Variants in DLG2 observed in about 807,000 individuals in gnomAD.
DLG2 encodes the protein disks large homolog 2.
DLG2 carries 45 observed loss-of-function variants against 132.5 expected under a neutral mutation model. That is an observed-to-expected ratio of 0.34 (90% confidence interval 0.27 to 0.44). The LOEUF (loss-of-function observed/expected upper bound fraction) is 0.44, where lower values mean the gene tolerates loss of function less well. Ranked by LOEUF, DLG2 falls within the 20% of genes least tolerant of loss-of-function variation. The probability of loss-of-function intolerance (pLI) is 1.00; values close to 1 mark genes in which losing one functional copy is unlikely to be tolerated. For missense variants in DLG2, 1,045 were observed against 1,196.9 expected, an observed-to-expected ratio of 0.87 and a Z score of 1.87; for synonymous variants, 424 against 419.6, an observed-to-expected ratio of 1.01 and a Z score of -0.13.
intron 6 of DLG2, among the ~76,000 whole-genome samples, chr11:84,549,854 C>T (rs1279874286): frequency 6.6e-6 from 1 of 152,078 alleles, no homozygotes; most frequent in African/African-American, 2.4e-5. Context: ...CCTGGGCTCA[C>T]GAGATTCTCC....
rs112091198 is a variant in DLG2 at position 83,914,424 on chromosome 11, C to G, written c.1496+15904G>C. On this transcript the variant is annotated intron_variant, in intron 15 of 27. Transcript: ENST00000376104. ...AGCTACAGGTGTTCCTTTATAGCAA[C>G]GCAAATGGACCAAGACACAGAGATC... Among the ~76,000 whole-genome samples the G allele has an allele frequency of 2.1e-3, 319 of 152,194 alleles. 2 individuals carry two copies. The highest frequency in any genetic ancestry group is 7.5e-3 in the South Asian group (36 of 4,820).
intron 3 of DLG2, among the ~76,000 whole-genome samples, chr11:85,364,423 T>C (rs1471044143): frequency 1.3e-5 from 2 of 152,190 alleles, no homozygotes; most frequent in East Asian, 1.9e-4. Context: ...GGGATTAGTA[T>C]ATAATAAATA....
In DLG2 at chr11:84,314,272, T is replaced by G. The variant is rs73521726; in HGVS notation, c.520-62981A>C. Among the ~76,000 whole-genome samples, 466 of 152,326 alleles carry G rather than the reference T, an allele frequency of 3.1e-3. 7 individuals carry two copies. The highest frequency in any genetic ancestry group is 0.01 in the African/African-American group (435 of 41,572). On this transcript the variant is annotated intron_variant, in intron 7 of 27. Transcript: ENST00000376104. ...ATTCTTCTTTACGCTTTATCAAGGATTCTAATGTTTAGTATCATTAGCCTC... is the reference window on the plus strand; with the variant it reads ...ATTCTTCTTTACGCTTTATCAAGGAGTCTAATGTTTAGTATCATTAGCCTC...
At chr11:85,564,493 AG>A (rs1327119033) in intron 3 of DLG2, among the ~76,000 whole-genome samples, 1 of 151,944 alleles carries the variant, frequency 6.6e-6, no homozygotes, top group East Asian at 1.9e-4. Flanking sequence ...TCAATGTTCT[AG>A]CATCACTTGT....
intron 18 of DLG2, among the ~76,000 whole-genome samples, chr11:83,750,967 C>T (rs1371105083): frequency 6.6e-6 from 1 of 152,112 alleles, no homozygotes; most frequent in Non-Finnish European, 1.5e-5. Context: ...GTGAGCAAAA[C>T]AAGATAAACT....
At position 84,273,220 on chromosome 11, in the gene DLG2, A is replaced by G. The variant is rs527730383; in HGVS notation, c.520-21929T>C. On this transcript the variant is annotated intron_variant, in intron 7 of 27. Coordinates refer to ENST00000376104, the MANE Select transcript of DLG2 (RefSeq NM_001142699.3). Reference sequence around the variant, plus strand: ...AAGCAATAGTATCCCACAAAAGCTGATAATTCTCAGCCCGAGAAACACTTG... The same window carrying G: ...AAGCAATAGTATCCCACAAAAGCTGGTAATTCTCAGCCCGAGAAACACTTG... 5.8e-6 allele frequency: 9 copies of G among 1,563,230 alleles called. No individual in the cohort carries two copies. The Admixed American group carries it at 1.3e-4, about 23-fold the overall frequency.
chr11:84,116,801 T>C (rs780219780), intron 9 of DLG2, among the ~76,000 whole-genome samples: 2 of 152,218 alleles, frequency 1.3e-5, no homozygotes, highest in Non-Finnish European at 2.9e-5. Flanking sequence ...AATGTCAGTA[T>C]ATTTTAAGTG....
At chr11:84,517,741 AT>A (rs1357342867) in intron 7 of DLG2, among the ~76,000 whole-genome samples, 1 of 152,080 alleles carries the variant, frequency 6.6e-6, no homozygotes. Context: ...AAAATATGGA[AT>A]CAACCTAAAT....
rs904315882 is a variant in DLG2, at chr11:83,797,258, G to A, written c.1723-10466C>T. Among the ~76,000 whole-genome samples, 5 of 152,220 alleles carry A rather than the reference G, an allele frequency of 3.3e-5. No individual in the cohort carries two copies. The South Asian group carries it at 1.0e-3, about 32-fold the overall frequency. ...AGAAGAAGAAGAAGATGATGATGAT[G>A]GTGATGATGGTAGCTGACATGTACA... On this transcript the variant is annotated intron_variant, in intron 17 of 27. Coordinates refer to ENST00000376104, the MANE Select transcript of DLG2 (RefSeq NM_001142699.3).
At chr11:83,610,000 T>C (rs1228154773) in intron 19 of DLG2, among the ~76,000 whole-genome samples, 1 of 152,318 alleles carries the variant, frequency 6.6e-6, no homozygotes, top group Non-Finnish European at 1.5e-5. Flanking sequence ...TTTCATACTA[T>C]GAAATTTTGA....
chr11:84,144,211 T>A (rs887055612), intron 9 of DLG2, among the ~76,000 whole-genome samples: 1 of 152,122 alleles, frequency 6.6e-6, no homozygotes, highest in African/African-American at 2.4e-5. Flanking sequence ...GTAATAAAAA[T>A]TCAGAAGGAA....
intron 3 of DLG2, among the ~76,000 whole-genome samples, chr11:85,361,112 C>G (rs2084114211): frequency 6.6e-6 from 1 of 152,036 alleles, no homozygotes; most frequent in Admixed American, 6.6e-5. Flanking sequence ...TTGTTAAAGG[C>G]ACAGTCATGC....
intron 6 of DLG2, among the ~76,000 whole-genome samples, chr11:84,941,386 G>A (rs892928490): frequency 5.3e-5 from 8 of 152,140 alleles, no homozygotes; most frequent in Non-Finnish European, 1.0e-4. Flanking sequence ...ATCTTTAGAT[G>A]TTTTTGTGTC....
rs111404730 is a variant in DLG2, at chr11:83,806,024, T to A, written c.1723-19232A>T. Among the ~76,000 whole-genome samples the A allele has an allele frequency of 4.9e-4, 74 of 152,246 alleles. 1 individual carries two copies. Among genetic ancestry groups the A allele is most frequent in the African/African-American group, 1.7e-3 (72 of 41,566 alleles). ...GCTGCTGCTAGAAGCTTCATGTCCATCCCTAGCCTAATGTTATTCCCTTGG... is the reference window on the plus strand; with the variant it reads ...GCTGCTGCTAGAAGCTTCATGTCCAACCCTAGCCTAATGTTATTCCCTTGG... On this transcript the variant is annotated intron_variant, in intron 17 of 27. Transcript: ENST00000376104.
intron 10 of DLG2, among the ~76,000 whole-genome samples, chr11:84,089,485 C>CA (rs1453202451): frequency 5.9e-5 from 9 of 151,848 alleles, no homozygotes; most frequent in Non-Finnish European, 8.8e-5. Flanking sequence ...AATGAAAAAG[C>CA]AAAAAAATGA....
intron 6 of DLG2, among the ~76,000 whole-genome samples, chr11:84,923,759 A>C (rs2092874051): frequency 6.6e-6 from 1 of 152,212 alleles, no homozygotes; most frequent in African/African-American, 2.4e-5. Context: ...TGTCATATAA[A>C]GTCCCCTAAA....
chr11:84,069,872 G>A (rs1054891160), intron 10 of DLG2, among the ~76,000 whole-genome samples: 2 of 152,222 alleles, frequency 1.3e-5, no homozygotes, highest in Non-Finnish European at 2.9e-5. Context: ...AAATTCCAAA[G>A]TGAGAGGGTC....
At chr11:83,986,304 G>A (rs2093305039) in intron 11 of DLG2, among the ~76,000 whole-genome samples, 1 of 151,014 alleles carries the variant, frequency 6.6e-6, no homozygotes, top group African/African-American at 2.4e-5. Flanking sequence ...GTGAGAATAT[G>A]CGGCATTTGG....
intron 6 of DLG2, among the ~76,000 whole-genome samples, chr11:84,953,843 C>T (rs1396618223): frequency 6.6e-6 from 1 of 152,062 alleles, no homozygotes; most frequent in South Asian, 2.1e-4. Flanking sequence ...TATTTCTCAC[C>T]ACCGCCCTTC....
Sources: allele counts gnomAD v4.1 joint callset (sites outside exome capture counted in the v4.1 genomes callset), GRCh38; gene constraint gnomAD v4.1.1; transcripts MANE v1.5; gene names NCBI Gene and HGNC (gene_info 2026-07-23, HGNC 2026-07-21).